Variants in ZNF799 observed in about 807,000 individuals in gnomAD.
ZNF799 encodes the protein zinc finger protein 14.
Under a neutral mutation model 41.0 loss-of-function variants are expected in ZNF799, and 28 were observed. The observed-to-expected ratio is 0.68, with a 90% CI of 0.51 to 0.94. The LOEUF (loss-of-function observed/expected upper bound fraction) is 0.94. ZNF799 is among the 40% of genes least tolerant of loss of function. The probability of loss-of-function intolerance (pLI) is 0.00; values close to 1 mark genes in which losing one functional copy is unlikely to be tolerated. For missense variants in ZNF799, 716 were observed against 764.3 expected, an observed-to-expected ratio of 0.94 and a Z score of 0.74; for synonymous variants, 213 against 252.9, an observed-to-expected ratio of 0.84 and a Z score of 1.50.
chr19:12,405,295 A>G (rs1051829472), upstream of ZNF799, among the ~76,000 whole-genome samples: 1 of 152,044 alleles, frequency 6.6e-6, no homozygotes, highest in South Asian at 2.1e-4. Flanking sequence ...ATCCTGGGGG[A>G]AAAAAGTTGG....
rs1221357978 is a variant in ZNF799 at position 12,400,949 on chromosome 19, A to G, written c.3+119T>C. 64 of 1,587,272 alleles carry G rather than the reference A, an allele frequency of 4.0e-5. 1 individual carries two copies. The highest frequency in any genetic ancestry group is 8.9e-5 in the East Asian group (4 of 44,720). ...GCCGAGGGCCGACCTACGCCAGGGG[A>G]ACCCGGGTCCGTAGATCCCGGAGTA... On this transcript the variant is annotated intron_variant, in intron 1 of 3. Coordinates refer to ENST00000430385, the MANE Select transcript of ZNF799 (RefSeq NM_001080821.3).
chr19:12,394,985 C>G (rs1257565594), intron 1 of ZNF799: 1 of 558,362 alleles, frequency 1.8e-6, no homozygotes, highest in South Asian at 7.8e-5. Flanking sequence ...ATCCCTCCCC[C>G]TATCAATACC....
At chr19:12,393,557 T>C (rs1205255141) in intron 1 of ZNF799, 134 bp from the exon 2 acceptor site, 47 of 1,409,978 alleles carry the variant, frequency 3.3e-5, no homozygotes, top group Non-Finnish European at 4.2e-5. Flanking sequence ...CCCACTCTTA[T>C]TCTCTGTCTA....
the ZNF799 span, among the ~76,000 whole-genome samples, chr19:12,412,065 C>G: frequency 2.0e-5 from 3 of 152,318 alleles, no homozygotes; most frequent in East Asian, 5.8e-4. Flanking sequence ...GTCACCATGT[C>G]CCTATGGGAC....
upstream of ZNF799, among the ~76,000 whole-genome samples, chr19:12,401,539 T>A (rs1454409793): frequency 7.7e-6 from 1 of 130,140 alleles, no homozygotes; most frequent in African/African-American, 2.9e-5. Flanking sequence ...AAAACAATTA[T>A]ACTTTTTTTT....
upstream of ZNF799, among the ~76,000 whole-genome samples, chr19:12,404,811 A>G (rs1037742157): frequency 2.6e-5 from 4 of 152,174 alleles, no homozygotes; most frequent in East Asian, 1.9e-4. Flanking sequence ...ACCTGGTAAA[A>G]CGGATTATGA....
At chr19:12,395,696 G>A (rs1321031317) in intron 1 of ZNF799, among the ~76,000 whole-genome samples, 1 of 152,192 alleles carries the variant, frequency 6.6e-6, no homozygotes, top group African/African-American at 2.4e-5. Context: ...GCACAGTAAA[G>A]AACACATTTT....
chr19:12,403,990 TTAA>T (rs1322994175), upstream of ZNF799, among the ~76,000 whole-genome samples: 1 of 152,362 alleles, frequency 6.6e-6, no homozygotes, highest in Non-Finnish European at 1.5e-5. Flanking sequence ...AATTTCCTTC[TTAA>T]TTTCTCCACT....
the ZNF799 span, among the ~76,000 whole-genome samples, chr19:12,411,326 AT>A: frequency 1.3e-5 from 2 of 152,192 alleles, no homozygotes; most frequent in Non-Finnish European, 2.9e-5. Flanking sequence ...TGAGGAGAGT[AT>A]GGTATTAACC....
In ZNF799 at chr19:12,392,255, G is replaced by T. The variant is rs542833750; in HGVS notation, c.192-49C>A. On this transcript the variant is annotated intron_variant, in intron 3 of 3. Transcript: ENST00000430385. ...ACTAAAAGTCGGTCTATAAATAATT[G>T]TATAGGTATTAATAAGTATTGGATG... 30 of 1,512,150 alleles carry T rather than the reference G, an allele frequency of 2.0e-5. No homozygotes were observed. In the African/African-American group the frequency reaches 2.9e-4, roughly 15 times the overall value. The allele number at this position is 1,512,150 out of a possible 1,614,324, so 93.7% of individuals were successfully genotyped here.
At chr19:12,403,899 C>T (rs1031701342), upstream of ZNF799, among the ~76,000 whole-genome samples, 1 of 152,150 alleles carries the variant, frequency 6.6e-6, no homozygotes. Flanking sequence ...CTATAAACTT[C>T]CCTCTTAGTA....
At chr19:12,402,365 C>A (rs201198894), upstream of ZNF799, among the ~76,000 whole-genome samples, 66,632 of 149,662 alleles carry the variant, frequency 0.45, 14,995 homozygotes, top group Non-Finnish European at 0.49. Context: ...ATATGCAAAC[C>A]AGGATAATTT....
chr19:12,407,416 T>C, the ZNF799 span, among the ~76,000 whole-genome samples: 3 of 150,732 alleles, frequency 2.0e-5, no homozygotes. Flanking sequence ...TTAGCTATAT[T>C]CCTGTCACTG....
In ZNF799 at chr19:12,392,102, C is replaced by G; in HGVS notation, c.296G>C (p.Gly99Ala). Residue 99 changes from glycine to alanine, a missense_variant, in exon 4 of 4, where the codon GGA becomes GCA. Gly to Ala is a moderately conservative substitution (Grantham distance 60, BLOSUM62 0). This residue lies in a region of ZNF799 where 698 missense variants were observed against 713.6 expected (regional missense o/e 0.98). Transcript: ENST00000430385. ...CATACGGCTTTCATATGGACCTACT[C>G]CAGGAAGAGTGTTCTTGGTCACAAT... ...DSIVTKNTLP[G>A]VGPYESRMSG... 1.9e-6 allele frequency: 3 copies of G among 1,614,156 alleles called. No homozygotes were observed. The highest frequency in any genetic ancestry group is 2.5e-6 in the Non-Finnish European group (3 of 1,180,004).
upstream of ZNF799, among the ~76,000 whole-genome samples, chr19:12,405,133 G>A (rs538876567): frequency 6.6e-6 from 1 of 152,222 alleles, no homozygotes; most frequent in Non-Finnish European, 1.5e-5. Flanking sequence ...TTTGGGGCTT[G>A]GACTGGCTCT....
intron 1 of ZNF799, chr19:12,393,820 G>C (rs1244206757): frequency 9.8e-7 from 1 of 1,024,978 alleles, no homozygotes; most frequent in Non-Finnish European, 1.2e-6. Flanking sequence ...TTTTCACAAA[G>C]TTGGGCTTTT....
In ZNF799 at chr19:12,390,905, T is replaced by C. The variant is rs1969800772; in HGVS notation, c.1493A>G (p.His498Arg). ...ACACTCATAAGGTTTCTCTCCTGTG[T>C]GAGTCCTTCTATGTTGAGAAAGGTA... ...FQYLSQHRRT[H>R]TGEKPYECNT... The change falls in exon 4 of 4, where the codon CAC becomes CGC. Residue 498 changes from histidine (H) to arginine (R), a missense_variant. Physicochemically the swap from His to Arg is conservative, Grantham distance 29. Coordinates refer to ENST00000430385, the MANE Select transcript of ZNF799 (RefSeq NM_001080821.3). 6.2e-6 allele frequency: 10 copies of C among 1,613,986 alleles called. No individual in the cohort carries two copies. The highest frequency in any genetic ancestry group is 8.5e-6 in the Non-Finnish European group (10 of 1,179,992).
At chr19:12,394,005 C>T (rs1969861668) in intron 1 of ZNF799, 1 of 154,860 alleles carries the variant, frequency 6.5e-6, no homozygotes, top group Admixed American at 6.4e-5. Context: ...ACCTGATCAG[C>T]CACTGCTAGG....
chr19:12,399,519 A>G (rs1295087061), intron 1 of ZNF799, among the ~76,000 whole-genome samples: 2 of 151,010 alleles, frequency 1.3e-5, no homozygotes, highest in Non-Finnish European at 2.9e-5. Context: ...GATTCCTCCC[A>G]TCCCAGTGGA....
Sources: allele counts gnomAD v4.1 joint callset (sites outside exome capture counted in the v4.1 genomes callset), GRCh38; gene constraint gnomAD v4.1.1; regional missense constraint gnomAD v4.1.1; transcripts MANE v1.5; gene names NCBI Gene and HGNC (gene_info 2026-07-23, HGNC 2026-07-21).